Variants in ZNF786 observed in about 807,000 individuals in gnomAD.
ZNF786 encodes the protein zinc finger protein 786.
In ZNF786, 56 loss-of-function variants were observed where a neutral mutation model predicts 63.1. The observed-to-expected ratio is 0.89, with a 90% CI of 0.72 to 1.11. The LOEUF is 1.11. Among genes scored for constraint, ZNF786 ranks in the 50% least tolerant of loss-of-function variants. The pLI, the probability that ZNF786 is intolerant of heterozygous loss-of-function variation, is 0.00. For missense variants in ZNF786, 1,213 were observed against 1,041.8 expected, an observed-to-expected ratio of 1.16 and a Z score of -2.26; for synonymous variants, 485 against 406.9, an observed-to-expected ratio of 1.19 and a Z score of -2.31.
rs756038710 is a variant in ZNF786, at chr7:149,071,724, C to A, written c.1048G>T (p.Gly350Trp). The change falls in exon 4 of 4, where the codon GGG becomes TGG. Residue 350 changes from glycine (G) to tryptophan (W), a missense_variant. Physicochemically the swap from Gly to Trp is radical, Grantham distance 184. Transcript: ENST00000491431. ...GTGTCCCCTTCCTGGTGGCTGTTCC[C>A]CTCCTGGGGCAGGCGCGAGCCTGGT... is the stretch of plus-strand genomic sequence containing the variant. ...QKPGSRLPQE[G>W]NSHQEGDTEA... is the part of the protein sequence containing the mutation. The A allele has an allele frequency of 6.3e-7, 1 of 1,583,828 alleles. No homozygotes were observed. Among genetic ancestry groups the A allele is most frequent in the East Asian group, 2.3e-5 (1 of 44,118 alleles).
intron 1 of ZNF786, 136 bp from the exon 2 acceptor site, chr7:149,080,853 A>G: frequency 1.0e-6 from 1 of 986,016 alleles, no homozygotes; most frequent in Non-Finnish European, 1.5e-6. Flanking sequence ...CTGGAGAACT[A>G]CTCCTTCCTC....
At chr7:149,081,164 G>A (rs921967802) in intron 1 of ZNF786, 17 of 456,116 alleles carry the variant, frequency 3.7e-5, no homozygotes, top group African/African-American at 4.0e-5. Flanking sequence ...TCAGCCAGGC[G>A]CAGTGGGTCA....
rs1189230076 is a variant in ZNF786 at position 149,090,717 on chromosome 7, C to A, written c.-77G>T. The A allele has an allele frequency of 1.4e-6, 2 of 1,477,686 alleles. No homozygotes were observed. The highest frequency in any genetic ancestry group is 1.8e-6 in the Non-Finnish European group (2 of 1,102,000). The allele number at this position is 1,477,686 out of a possible 1,614,324, so 91.5% of individuals were successfully genotyped here. ...CCGCAGGAACCTGCCCTGCTGCGCA[C>A]TGACTCCCCTCCGCTCCGCCCCAAC... On this transcript the variant is annotated 5_prime_UTR_variant, in exon 1 of 4. Coordinates refer to ENST00000491431, the MANE Select transcript of ZNF786 (RefSeq NM_152411.4).
chr7:149,086,641 CACACACACAT>C (rs1280295238), intron 1 of ZNF786, among the ~76,000 whole-genome samples: 7 of 151,178 alleles, frequency 4.6e-5, no homozygotes, highest in Non-Finnish European at 1.0e-4. Context: ...CACACACACA[CACACACACAT>C]ACACACAAAA....
intron 2 of ZNF786, among the ~76,000 whole-genome samples, chr7:149,080,228 A>C (rs745819200): frequency 3.3e-5 from 5 of 152,016 alleles, no homozygotes; most frequent in Non-Finnish European, 7.4e-5. Flanking sequence ...CCCACTGTAA[A>C]AGCTGTGAGG....
At chr7:149,084,503 A>T in intron 1 of ZNF786, among the ~76,000 whole-genome samples, 1 of 152,142 alleles carries the variant, frequency 6.6e-6, no homozygotes, top group East Asian at 1.9e-4. Context: ...ACTTTTTAAT[A>T]GCCATTCTGA....
chr7:149,081,398 C>T lies in ZNF786; in HGVS notation c.19-681G>A, dbSNP rs139327291. Reference sequence around the variant, plus strand: ...TTGCAGTGAGCGGAGATCGCGCCACCGCACTACAGCCTGGGCGACAGAGCA... The same window carrying T: ...TTGCAGTGAGCGGAGATCGCGCCACTGCACTACAGCCTGGGCGACAGAGCA... On this transcript the variant is annotated intron_variant, in intron 1 of 3. Coordinates refer to ENST00000491431, the MANE Select transcript of ZNF786 (RefSeq NM_152411.4). Among the ~76,000 whole-genome samples, 367 of 142,812 alleles carry T rather than the reference C, an allele frequency of 2.6e-3. 10 individuals are homozygous for T. In the East Asian group the frequency reaches 0.065, roughly 25 times the overall value. 93.7% of individuals were successfully genotyped at this position (142,812 alleles called of 152,430 possible).
intron 2 of ZNF786, 106 bp from the exon 3 acceptor site, chr7:149,074,644 T>G: frequency 1.6e-6 from 2 of 1,249,668 alleles, no homozygotes; most frequent in Non-Finnish European, 2.1e-6. Context: ...GAGAACAACA[T>G]GTCAAAAAAA....
rs367813771 is a variant in ZNF786, at chr7:149,070,598, A to C, written c.2174T>G (p.Ile725Ser). 3.3e-5 allele frequency: 54 copies of C among 1,613,884 alleles called. No homozygotes were observed. The highest frequency in any genetic ancestry group is 4.1e-5 in the Non-Finnish European group (48 of 1,179,908). The change falls in exon 4 of 4, where the codon ATC becomes AGC. Residue 725 changes from isoleucine (I) to serine (S), a missense_variant. By Grantham distance (142) the Ile-to-Ser change is moderately radical. Coordinates refer to ENST00000491431, the MANE Select transcript of ZNF786 (RefSeq NM_152411.4). ...ERGHMLRHQR[I>S]HRPERPFACG... ...GGCAAAGGGCCTCTCGGGCCTGTGG[A>C]TGCGCTGGTGCCTCAGCATGTGTCC... is the stretch of plus-strand genomic sequence containing the variant.
intron 3 of ZNF786, among the ~76,000 whole-genome samples, chr7:149,073,974 G>A (rs984798605): frequency 3.3e-5 from 5 of 150,812 alleles, no homozygotes; most frequent in African/African-American, 1.2e-4. Flanking sequence ...TGTATTTTTA[G>A]TAGAGTAAGG....
At chr7:149,088,824 G>C (rs1435579599) in intron 1 of ZNF786, among the ~76,000 whole-genome samples, 1 of 152,028 alleles carries the variant, frequency 6.6e-6, no homozygotes, top group East Asian at 1.9e-4. Flanking sequence ...AATAATATGG[G>C]AACTTTCCAG....
At position 149,071,777 on chromosome 7, in the gene ZNF786, G is replaced by A; in HGVS notation, c.995C>T (p.Ala332Val). 6.3e-7 allele frequency: 1 copy of A among 1,580,322 alleles called. No homozygotes were observed. The highest frequency in any genetic ancestry group is 8.6e-7 in the Non-Finnish European group (1 of 1,168,652). ...CTGTCCCGAGTGCACACTGCTGGAG[G>A]CCCCGCGGCCTTCTCTCCAAGAGGC... ...GPASWREGRG[A>V]SSSVHSGQKP... Residue 332 changes from alanine to valine, a missense_variant, in exon 4 of 4, where the codon GCC (alanine) becomes GTC (valine). Ala to Val is a moderately conservative substitution (Grantham distance 64). Transcript: ENST00000491431.
intron 1 of ZNF786, among the ~76,000 whole-genome samples, chr7:149,084,484 T>C (rs1735771416): frequency 6.6e-6 from 1 of 152,188 alleles, no homozygotes; most frequent in African/African-American, 2.4e-5. Context: ...CTCTGTAACC[T>C]TGTTTTTAAC....
intron 2 of ZNF786, 95 bp from the exon 3 acceptor site, chr7:149,074,633 T>G: frequency 7.4e-7 from 1 of 1,355,818 alleles, no homozygotes; most frequent in South Asian, 1.6e-5. Flanking sequence ...GGACAAAGTA[T>G]GAGAACAACA....
chr7:149,088,626 G>C (rs1825775322), intron 1 of ZNF786, among the ~76,000 whole-genome samples: 1 of 152,148 alleles, frequency 6.6e-6, no homozygotes, highest in African/African-American at 2.4e-5. Context: ...TAAAAATCCA[G>C]AGAGTTACAG....
intron 1 of ZNF786, among the ~76,000 whole-genome samples, chr7:149,089,876 G>C (rs1050013170): frequency 2.6e-5 from 4 of 151,500 alleles, no homozygotes; most frequent in Admixed American, 2.0e-4. Flanking sequence ...ATCATGCCAG[G>C]CTAATTTTTT....
chr7:149,080,838 TC>T, intron 1 of ZNF786, 121 bp from the exon 2 acceptor site: 2 of 1,204,242 alleles, frequency 1.7e-6, no homozygotes, highest in South Asian at 3.0e-5. Flanking sequence ...TTCAGCAGCT[TC>T]TTCCTGGAGA....
intron 3 of ZNF786, among the ~76,000 whole-genome samples, chr7:149,073,584 G>C (rs947270448): frequency 6.6e-6 from 1 of 151,100 alleles, no homozygotes; most frequent in Non-Finnish European, 1.5e-5. Context: ...AAACAAACTG[G>C]ATAACCAGTT....
chr7:149,075,655 G>GTTTTTTTTTTTT lies in ZNF786; in HGVS notation c.146-1129_146-1118dup, dbSNP rs1165713050. Among the ~76,000 whole-genome samples the GTTTTTTTTTTTT allele has an allele frequency of 3.2e-4, 22 of 69,468 alleles. 6 individuals carry two copies. Among genetic ancestry groups the GTTTTTTTTTTTT allele is most frequent in the African/African-American group, 7.7e-4 (13 of 16,882 alleles). The allele number at this position is 69,468 out of a possible 152,430, so 45.6% of individuals were successfully genotyped here. On this transcript the variant is annotated intron_variant, in intron 2 of 3. Transcript: ENST00000491431. ...ATCCTACTGTGCTGACACACTTCAGGTTTTTTTTTTTTTTTTTTTTTTTTT... is the reference window on the plus strand; with the variant it reads ...ATCCTACTGTGCTGACACACTTCAGGTTTTTTTTTTTTTTTTTTTTTTTTTTTTTTTTTTTTT...
Sources: gnomAD v4.1 joint callset for allele counts (sites outside exome capture counted in the v4.1 genomes callset) on GRCh38, gnomAD v4.1.1 for gene constraint, MANE v1.5 for transcripts, NCBI Gene and HGNC (gene_info 2026-07-23, HGNC 2026-07-21) for gene names.